The following PLXDC2 variants were observed in gnomAD, a reference collection of about 807,000 sequenced individuals.
The protein encoded by PLXDC2 is plexin domain-containing protein 2.
In PLXDC2, 40 loss-of-function variants were observed where a neutral mutation model predicts 68.9. The observed-to-expected ratio is 0.58, with a 90% CI of 0.45 to 0.76. The LOEUF is 0.76. Among genes scored for constraint, PLXDC2 ranks in the 30% least tolerant of loss-of-function variants. PLXDC2 has a pLI of 0.00. For missense variants in PLXDC2, 644 were observed against 661.9 expected, an observed-to-expected ratio of 0.97 and a Z score of 0.30; for synonymous variants, 243 against 234.2, an observed-to-expected ratio of 1.04 and a Z score of -0.34.
intron 2 of PLXDC2, among the ~76,000 whole-genome samples, chr10:20,007,722 C>T (rs529225218): frequency 2.0e-5 from 3 of 152,314 alleles, no homozygotes; most frequent in South Asian, 2.1e-4. Flanking sequence ...AGGCTTGAGC[C>T]GGTCTGATAT....
At chr10:20,223,223 G>A (rs761474368) in intron 12 of PLXDC2, among the ~76,000 whole-genome samples, 132 of 152,036 alleles carry the variant, frequency 8.7e-4, no homozygotes, top group Admixed American at 1.8e-3. Flanking sequence ...CTAGCACATG[G>A]CAGAGCTGGG....
At chr10:20,153,970 G>A (rs1175545050) in intron 6 of PLXDC2, among the ~76,000 whole-genome samples, 2 of 151,822 alleles carry the variant, frequency 1.3e-5, no homozygotes, top group Non-Finnish European at 2.9e-5. Context: ...AGGCCATTTG[G>A]GAGCAAAGGT....
chr10:20,143,288 A>C lies in PLXDC2; in HGVS notation c.542-7A>C. On this transcript the variant is annotated splice_region_variant and splice_polypyrimidine_tract_variant and intron_variant, in intron 4 of 13. Transcript: ENST00000377252. ...TCTGAATATGTTTCCTATTTTTCTA[A>C]TTCTAGGTTTCATATACACTGGAGA... 7 of 1,602,534 alleles carry C rather than the reference A, an allele frequency of 4.4e-6. No homozygotes were observed. Among genetic ancestry groups the C allele is most frequent in the Non-Finnish European group, 6.0e-6 (7 of 1,175,312 alleles).
intron 4 of PLXDC2, among the ~76,000 whole-genome samples, chr10:20,075,988 G>T (rs1836438940): frequency 6.6e-6 from 1 of 152,250 alleles, no homozygotes; most frequent in Middle Eastern, 3.4e-3. Flanking sequence ...GGAAACACTG[G>T]CAATGATATT....
chr10:19,893,966 C>T (rs1184912699), intron 1 of PLXDC2, among the ~76,000 whole-genome samples: 2 of 152,172 alleles, frequency 1.3e-5, no homozygotes, highest in Non-Finnish European at 2.9e-5. Context: ...ATCCCTTGAA[C>T]CCTCTTCACT....
chr10:19,984,915 A>G (rs1326319415), intron 1 of PLXDC2, among the ~76,000 whole-genome samples: 3 of 152,210 alleles, frequency 2.0e-5, no homozygotes, highest in African/African-American at 4.8e-5. Context: ...TTGATGTTCA[A>G]CGTGTAGGAA....
chr10:19,934,755 C>T (rs1378608626), intron 1 of PLXDC2, among the ~76,000 whole-genome samples: 2 of 152,168 alleles, frequency 1.3e-5, no homozygotes, highest in Non-Finnish European at 2.9e-5. Context: ...AACTAGTTTG[C>T]GTTCTAGACT....
chr10:19,949,076 A>C (rs1301595614), intron 1 of PLXDC2, among the ~76,000 whole-genome samples: 1 of 147,124 alleles, frequency 6.8e-6, no homozygotes, highest in East Asian at 2.1e-4. Flanking sequence ...GCAGTGAACC[A>C]AGATTGCACC....
At chr10:20,202,836 A>G (rs1834939374) in intron 9 of PLXDC2, among the ~76,000 whole-genome samples, 1 of 152,266 alleles carries the variant, frequency 6.6e-6, no homozygotes, top group South Asian at 2.1e-4. Flanking sequence ...ATCTAGCTAG[A>G]GTTGCTGTTT....
chr10:19,937,544 GTATATATATATATATATATATATATATA>G (rs71388881), intron 1 of PLXDC2, among the ~76,000 whole-genome samples: 8 of 95,968 alleles, frequency 8.3e-5, no homozygotes, highest in Admixed American at 5.8e-4. Context: ...TATAGTCAAT[GTATATATATATATATATATATATATATA>G]TATATATATA....
chr10:20,046,004 C>T (rs556981000), intron 2 of PLXDC2, among the ~76,000 whole-genome samples: 187 of 152,030 alleles, frequency 1.2e-3, no homozygotes, highest in Non-Finnish European at 2.3e-3. Flanking sequence ...AAGGTAACAC[C>T]AACAATGAGA....
At chr10:20,020,780 A>T (rs1377953381) in intron 2 of PLXDC2, among the ~76,000 whole-genome samples, 1 of 152,224 alleles carries the variant, frequency 6.6e-6, no homozygotes, top group Non-Finnish European at 1.5e-5. Context: ...CCTGATGAGA[A>T]AACTGAACAT....
chr10:20,259,847 C>T (rs1049746869), intron 13 of PLXDC2, among the ~76,000 whole-genome samples: 58 of 152,264 alleles, frequency 3.8e-4, no homozygotes, highest in African/African-American at 1.2e-3. Flanking sequence ...CTGCCAAGGC[C>T]ATCTTCCATG....
chr10:20,199,106 CTA>C (rs1425070299), intron 9 of PLXDC2, among the ~76,000 whole-genome samples: 1 of 151,966 alleles, frequency 6.6e-6, no homozygotes, highest in East Asian at 1.9e-4. Context: ...AATAATAAAT[CTA>C]TTTTATGAAT....
chr10:20,167,581 T>C (rs1286274909), intron 7 of PLXDC2, among the ~76,000 whole-genome samples: 1 of 152,118 alleles, frequency 6.6e-6, no homozygotes, highest in East Asian at 1.9e-4. Context: ...ACCAAGTGGA[T>C]TTAGGGAACA....
intron 9 of PLXDC2, among the ~76,000 whole-genome samples, chr10:20,187,113 A>G (rs764623915): frequency 7.9e-5 from 12 of 151,832 alleles, no homozygotes; most frequent in Non-Finnish European, 1.8e-4. Context: ...AAAGGAGGCC[A>G]TATTTTATGA....
intron 9 of PLXDC2, among the ~76,000 whole-genome samples, chr10:20,185,147 C>A (rs546412441): frequency 7.6e-6 from 1 of 131,552 alleles, no homozygotes; most frequent in African/African-American, 2.9e-5. Flanking sequence ...CACATACATC[C>A]CAGAACTGAA....
chr10:19,938,403 G>A (rs1833763177), intron 1 of PLXDC2, among the ~76,000 whole-genome samples: 1 of 152,206 alleles, frequency 6.6e-6, no homozygotes, highest in African/African-American at 2.4e-5. Flanking sequence ...TGTACAGGAA[G>A]CATGGCAGTA....
chr10:19,884,434 T>C (rs1435396269), intron 1 of PLXDC2, among the ~76,000 whole-genome samples: 1 of 152,096 alleles, frequency 6.6e-6, no homozygotes, highest in East Asian at 1.9e-4. Context: ...ACATGTGACA[T>C]GCTGGTGCGC....
Sources: allele counts gnomAD v4.1 joint callset (sites outside exome capture counted in the v4.1 genomes callset), GRCh38; gene constraint gnomAD v4.1.1; transcripts MANE v1.5; gene names NCBI Gene and HGNC (gene_info 2026-07-23, HGNC 2026-07-21).